The following HMCN1 variants were observed in gnomAD, a reference collection of about 807,000 sequenced individuals.
HMCN1 encodes hemicentin-1.
HMCN1 carries 321 observed loss-of-function variants against 625.9 expected under a neutral mutation model. That is an observed-to-expected ratio of 0.51 (90% CI 0.47 to 0.56). The LOEUF is 0.56. HMCN1 is among the 20% of genes least tolerant of loss of function. The pLI is 0.00. For synonymous variants in HMCN1, 2,425 were observed against 2,417.6 expected (o/e 1.00, Z -0.09); for missense variants, 6,588 against 6,887.3 (o/e 0.96, Z 1.54).
intron 36 of HMCN1, among the ~76,000 whole-genome samples, chr1:186,026,772 C>T (rs1655085236): frequency 6.6e-6 from 1 of 151,912 alleles, no homozygotes; most frequent in Admixed American, 6.6e-5. Context: ...GTAGGGAGGA[C>T]CACAAGCAAA....
In HMCN1 at chr1:185,735,046, A is replaced by G. The variant is rs763601734; in HGVS notation, c.267A>G (p.Pro89=). Residue 89 remains proline, a splice_region_variant and synonymous_variant, in exon 1 of 107, where the codon CCA becomes CCG. Transcript: ENST00000271588. ...FNFALVPFHD[P]EIGPVTITTD... is the part of the protein sequence containing the mutation. The stretch of plus-strand genomic sequence containing the variant: ...TTGCGTTGGTGCCTTTCCATGATCC[A>G]GGTAAGGGAAATATTTATACTTTGT... 1 of 1,613,828 alleles carries G rather than the reference A, an allele frequency of 6.2e-7. No homozygotes were observed. Among genetic ancestry groups the G allele is most frequent in the Admixed American group, 1.7e-5 (1 of 60,030 alleles).
intron 69 of HMCN1, 60 bp downstream of exon 69, chr1:186,103,728 T>C: frequency 7.2e-7 from 1 of 1,394,458 alleles, no homozygotes; most frequent in Non-Finnish European, 1.0e-6. Flanking sequence ...CTTGCTAATA[T>C]ATGAGATTTG....
chr1:185,775,399 G>A (rs1265759923), intron 1 of HMCN1, among the ~76,000 whole-genome samples: 1 of 152,016 alleles, frequency 6.6e-6, no homozygotes, highest in Non-Finnish European at 1.5e-5. Flanking sequence ...GCAACATAGT[G>A]AGACCCTGTC....
At chr1:185,993,073 G>A (rs367854981) in intron 22 of HMCN1, 109 bp from the exon 23 acceptor site, 56 of 1,034,158 alleles carry the variant, frequency 5.4e-5, no homozygotes, top group African/African-American at 4.9e-4. Flanking sequence ...ATGGGAAAAT[G>A]GTTTAAAAAA....
In HMCN1 at chr1:186,018,351, T is replaced by C. The variant is rs766045914; in HGVS notation, c.5469T>C (p.His1823=). Residue 1823 remains histidine (H), a splice_region_variant and synonymous_variant, in exon 34 of 107, where the codon CAT becomes CAC. Coordinates refer to ENST00000271588, the MANE Select transcript of HMCN1 (RefSeq NM_031935.3). ...DHKKEFEVTV[H]VPPTIKSSGL... is the part of the protein sequence containing the mutation. ...AGAAGGAATTTGAAGTGACTGTTCA[T>C]GGTATGCTGAAGAAGGGACAGGAAC... The C allele has an allele frequency of 1.9e-6, 3 of 1,612,180 alleles. No individual in the cohort carries two copies. The highest frequency in any genetic ancestry group is 2.7e-5 in the African/African-American group (2 of 74,846).
At chr1:185,784,474 C>G (rs748521687) in intron 1 of HMCN1, among the ~76,000 whole-genome samples, 1 of 152,138 alleles carries the variant, frequency 6.6e-6, no homozygotes, top group Non-Finnish European at 1.5e-5. Context: ...TGGAGCTGTT[C>G]CTGTTCGGCC....
At chr1:185,862,959 CAAGAA>C (rs1558023124) in intron 2 of HMCN1, among the ~76,000 whole-genome samples, 1 of 152,124 alleles carries the variant, frequency 6.6e-6, no homozygotes, top group African/African-American at 2.4e-5. Flanking sequence ...GGATCCAGTA[CAAGAA>C]AAGATTCTCC....
At chr1:185,856,750 G>T (rs1249700300) in intron 2 of HMCN1, among the ~76,000 whole-genome samples, 1 of 152,096 alleles carries the variant, frequency 6.6e-6, no homozygotes, top group African/African-American at 2.4e-5. Flanking sequence ...AATTTTTATT[G>T]CTTAGACTTA....
chr1:186,090,630 A>G, intron 63 of HMCN1, 128 bp from the exon 64 acceptor site: 1 of 1,007,084 alleles, frequency 9.9e-7, no homozygotes, highest in Non-Finnish European at 1.5e-6. Flanking sequence ...GAAGATAACA[A>G]TAGTTTGACC....
intron 1 of HMCN1, among the ~76,000 whole-genome samples, chr1:185,740,263 A>G (rs544856585): frequency 1.3e-5 from 2 of 152,356 alleles, no homozygotes; most frequent in East Asian, 3.9e-4. Context: ...TCTGAAGCAG[A>G]ACAAGGGCAG....
In HMCN1 at chr1:185,911,743, A is replaced by AT; in HGVS notation, c.864dup (p.Val289CysfsTer30). The AT allele has an allele frequency of 1.9e-6, 3 of 1,613,418 alleles. No homozygotes were observed. Among genetic ancestry groups the AT allele is most frequent in the Non-Finnish European group, 2.5e-6 (3 of 1,179,482 alleles). On this transcript the variant is annotated frameshift_variant, in exon 6 of 107. Coordinates refer to ENST00000271588, the MANE Select transcript of HMCN1 (RefSeq NM_031935.3). LOFTEE classifies it high-confidence loss of function. ...ATCCATAACTCTGCCAAAGTAGTGA[A>AT]TGTGAAAGAGCCAGAGGCTGGAATG...
chr1:185,906,934 C>T (rs1000452640), intron 4 of HMCN1, among the ~76,000 whole-genome samples: 4 of 149,982 alleles, frequency 2.7e-5, no homozygotes, highest in Non-Finnish European at 5.9e-5. Flanking sequence ...TTCTGAGGCC[C>T]AACAACAATC....
At chr1:186,020,383 C>G (rs1388499478) in intron 35 of HMCN1, among the ~76,000 whole-genome samples, 1 of 151,888 alleles carries the variant, frequency 6.6e-6, no homozygotes, top group Non-Finnish European at 1.5e-5. Flanking sequence ...CTTGTGAGTT[C>G]CCTAATGAGA....
intron 1 of HMCN1, among the ~76,000 whole-genome samples, chr1:185,802,849 A>C (rs1658891721): frequency 6.6e-6 from 1 of 152,132 alleles, no homozygotes; most frequent in African/African-American, 2.4e-5. Context: ...GGGGGGAGAA[A>C]GATGGAATGA....
At chr1:186,123,806 C>T (rs956838134) in intron 81 of HMCN1, among the ~76,000 whole-genome samples, 1 of 152,000 alleles carries the variant, frequency 6.6e-6, no homozygotes, top group African/African-American at 2.4e-5. Context: ...GGAAACAATA[C>T]CAGATTAAAC....
chr1:185,750,638 G>T (rs1251585500), intron 1 of HMCN1, among the ~76,000 whole-genome samples: 1 of 151,940 alleles, frequency 6.6e-6, no homozygotes, highest in Non-Finnish European at 1.5e-5. Flanking sequence ...TTCCATATCT[G>T]ATTGGTATTT....
At chr1:186,091,389 T>C (rs1360021097) in intron 64 of HMCN1, among the ~76,000 whole-genome samples, 1 of 152,066 alleles carries the variant, frequency 6.6e-6, no homozygotes, top group East Asian at 1.9e-4. Flanking sequence ...TGAGAAAAGA[T>C]ACAATAATGT....
chr1:186,144,030 T>G, intron 89 of HMCN1, 143 bp from the exon 90 acceptor site: 1 of 686,168 alleles, frequency 1.5e-6, no homozygotes, highest in Non-Finnish European at 2.3e-6. Flanking sequence ...AAGATCATCA[T>G]TTGTTATGTT....
At chr1:185,812,997 G>T (rs1659622203) in intron 1 of HMCN1, among the ~76,000 whole-genome samples, 2 of 152,118 alleles carry the variant, frequency 1.3e-5, no homozygotes, top group Non-Finnish European at 2.9e-5. Context: ...CTCATGAGAG[G>T]ACTTCCTGAT....
Sources: allele counts gnomAD v4.1 joint callset (sites outside exome capture counted in the v4.1 genomes callset), GRCh38; gene constraint gnomAD v4.1.1; transcripts MANE v1.5; gene names NCBI Gene and HGNC (gene_info 2026-07-23, HGNC 2026-07-21).